Variants in VAC14 observed in about 807,000 individuals in gnomAD.
The protein encoded by VAC14 is protein VAC14 homolog.
In VAC14, 47 loss-of-function variants were observed where a neutral mutation model predicts 85.3. The observed-to-expected ratio is 0.55, with a 90% CI of 0.44 to 0.70. VAC14 has a LOEUF of 0.70. Among genes scored for constraint, VAC14 ranks in the 30% least tolerant of loss-of-function variants. The probability of loss-of-function intolerance (pLI) is 0.00; values close to 1 mark genes in which losing one functional copy is unlikely to be tolerated. For synonymous variants in VAC14, 447 were observed against 430.5 expected (o/e 1.04, Z -0.47); for missense variants, 861 against 1,004.3 (o/e 0.86, Z 1.93).
At chr16:70,794,804 C>A (rs951800063) in intron 1 of VAC14, among the ~76,000 whole-genome samples, 1 of 152,188 alleles carries the variant, frequency 6.6e-6, no homozygotes, top group African/African-American at 2.4e-5. Context: ...GATAAACAGC[C>A]AAGCTGGGTG....
intron 10 of VAC14, chr16:70,768,474 G>A (rs1004586882): frequency 4.2e-6 from 1 of 235,424 alleles, no homozygotes; most frequent in Non-Finnish European, 8.4e-6. Context: ...CCTCTCCCTG[G>A]GGAGTCCAAT....
At chr16:70,737,251 G>C (rs779724987) in intron 13 of VAC14, among the ~76,000 whole-genome samples, 3 of 152,222 alleles carry the variant, frequency 2.0e-5, no homozygotes, top group African/African-American at 7.2e-5. Context: ...CATGAGGAAA[G>C]TGGGAGCCGG....
At chr16:70,744,662 C>G (rs2030696941) in intron 12 of VAC14, 83 bp from the exon 13 acceptor site, 25 of 1,467,066 alleles carry the variant, frequency 1.7e-5, no homozygotes, top group Non-Finnish European at 2.2e-5. Context: ...TGGTGGCACA[C>G]AGCCACCTGC....
intron 12 of VAC14, chr16:70,748,059 A>C (rs2031062537): frequency 6.6e-6 from 1 of 152,220 alleles, no homozygotes; most frequent in Admixed American, 6.5e-5. Flanking sequence ...CAGGATACAC[A>C]CAAGGGAACT....
intron 14 of VAC14, among the ~76,000 whole-genome samples, chr16:70,708,038 C>T (rs750815539): frequency 1.1e-4 from 17 of 152,192 alleles, no homozygotes; most frequent in Admixed American, 2.0e-4. Context: ...TGATCTGCCG[C>T]TTTGGCCTTC....
intron 7 of VAC14, 47 bp from the exon 8 acceptor site, chr16:70,782,050 G>A (rs754895503): frequency 7.5e-6 from 12 of 1,599,074 alleles, no homozygotes; most frequent in South Asian, 2.2e-5. Context: ...CACGCAGCCC[G>A]AGTGCTCCCT....
intron 14 of VAC14, among the ~76,000 whole-genome samples, chr16:70,705,481 G>A (rs1231330617): frequency 6.6e-6 from 1 of 152,246 alleles, no homozygotes; most frequent in African/African-American, 2.4e-5. Context: ...GAAGTTCATG[G>A]GGAAATGGAG....
chr16:70,774,632 T>C (rs866929042), intron 9 of VAC14, among the ~76,000 whole-genome samples: 8 of 152,108 alleles, frequency 5.3e-5, no homozygotes, highest in African/African-American at 1.4e-4. Flanking sequence ...ATAACAAATA[T>C]TACTGTGGAA....
chr16:70,740,413 G>A (rs993451560), intron 13 of VAC14, among the ~76,000 whole-genome samples: 3 of 152,176 alleles, frequency 2.0e-5, no homozygotes, highest in African/African-American at 7.2e-5. Flanking sequence ...GGCTGATTGG[G>A]TCTCCCCAGG....
intron 9 of VAC14, among the ~76,000 whole-genome samples, chr16:70,774,732 C>A (rs2033428917): frequency 6.8e-6 from 1 of 146,390 alleles, no homozygotes; most frequent in African/African-American, 2.7e-5. Flanking sequence ...CTCTCCCCTC[C>A]CTCCCTCCCT....
In VAC14 at chr16:70,772,397, G is replaced by A. The variant is rs115570722; in HGVS notation, c.1097-225C>T. 6.7e-3 allele frequency: 3,612 copies of A among 537,074 alleles called. 103 individuals are homozygous for A. Among genetic ancestry groups the A allele is most frequent in the African/African-American group, 0.06 (3,187 of 52,860 alleles). The allele number at this position is 537,074 out of a possible 1,614,324, so 33.3% of individuals were successfully genotyped here. On this transcript the variant is annotated intron_variant, in intron 9 of 18. Transcript: ENST00000261776. ...TAGTCACAGTGATCTCACAAGGAGG[G>A]GACACCAGTGCTAAACACATCTGTC... is the stretch of plus-strand genomic sequence containing the variant.
chr16:70,759,382 T>C (rs2032130102), intron 12 of VAC14, among the ~76,000 whole-genome samples: 1 of 152,186 alleles, frequency 6.6e-6, no homozygotes, highest in African/African-American at 2.4e-5. Context: ...ATCCCAGCAC[T>C]TCGGGAGGCC....
chr16:70,766,249 A>T (rs781314134), intron 10 of VAC14, among the ~76,000 whole-genome samples: 2 of 152,112 alleles, frequency 1.3e-5, no homozygotes, highest in Admixed American at 6.5e-5. Flanking sequence ...AAAAGGGCCA[A>T]GATGTCAGGC....
intron 13 of VAC14, among the ~76,000 whole-genome samples, chr16:70,736,022 G>C (rs2054739702): frequency 6.6e-6 from 1 of 152,222 alleles, no homozygotes; most frequent in South Asian, 2.1e-4. Flanking sequence ...TTGGTAGGCC[G>C]TGGTGGCCTG....
At chr16:70,722,167 A>T (rs1368161537) in intron 14 of VAC14, among the ~76,000 whole-genome samples, 1 of 152,232 alleles carries the variant, frequency 6.6e-6, no homozygotes, top group Non-Finnish European at 1.5e-5. Context: ...GAACTACAGA[A>T]AACTCCCTCA....
chr16:70,691,290 G>A (rs1469392103), intron 18 of VAC14: 1 of 985,292 alleles, frequency 1.0e-6, no homozygotes, highest in Admixed American at 6.1e-5. Context: ...CAGGAAGGCA[G>A]GCTGGTTCCC....
intron 14 of VAC14, among the ~76,000 whole-genome samples, chr16:70,726,558 G>A (rs140331943): frequency 8.5e-5 from 13 of 152,288 alleles, no homozygotes; most frequent in Non-Finnish European, 1.8e-4. Context: ...TCATCGCTGC[G>A]TCACAGACAA....
At chr16:70,693,618 T>C (rs1188013957) in intron 17 of VAC14, among the ~76,000 whole-genome samples, 1 of 152,058 alleles carries the variant, frequency 6.6e-6, no homozygotes, top group East Asian at 1.9e-4. Context: ...CCAGCACTCA[T>C]TCCAGCCCAA....
intron 16 of VAC14, chr16:70,696,836 G>C (rs1597851472): frequency 3.0e-6 from 1 of 330,294 alleles, no homozygotes; most frequent in African/African-American, 2.1e-5. Context: ...CCAGCAAGAT[G>C]GTCCAGCATC....
Sources: allele counts gnomAD v4.1 joint callset (sites outside exome capture counted in the v4.1 genomes callset), GRCh38; gene constraint gnomAD v4.1.1; transcripts MANE v1.5; gene names NCBI Gene and HGNC (gene_info 2026-07-23, HGNC 2026-07-21).